The following TTLL2 variants were observed in gnomAD, a reference collection of about 807,000 sequenced individuals.
TTLL2 encodes the protein tubulin tyrosine ligase like 2, also known as probable tubulin polyglutamylase TTLL2.
Under a neutral mutation model 7.5 loss-of-function variants are expected in TTLL2, and 10 were observed. That is an observed-to-expected ratio of 1.33 (90% CI 0.82 to 2.25). The LOEUF (loss-of-function observed/expected upper bound fraction) is 2.25, where lower values mean the gene tolerates loss of function less well. Among genes scored for constraint, TTLL2 ranks in the 30% most tolerant of loss-of-function variants. TTLL2 has a pLI of 0.00. For missense variants in TTLL2, 733 were observed against 735.7 expected, an observed-to-expected ratio of 1.00 and a Z score of 0.04; for synonymous variants, 284 against 280.3, an observed-to-expected ratio of 1.01 and a Z score of -0.13.
intron 2 of TTLL2, 142 bp from the exon 3 acceptor site, chr6:167,339,963 C>G: frequency 1.3e-6 from 1 of 795,554 alleles, no homozygotes; most frequent in Non-Finnish European, 2.0e-6. Context: ...GGTGAAGAGA[C>G]GTGGGTGTCC....
chr6:167,335,448 T>G (rs1300681536), intron 1 of TTLL2, among the ~76,000 whole-genome samples: 1 of 147,546 alleles, frequency 6.8e-6, no homozygotes, highest in Non-Finnish European at 1.5e-5. Flanking sequence ...AAATACCATT[T>G]GACCCAGCCA....
intron 1 of TTLL2, chr6:167,327,881 T>C (rs980403347): frequency 2.5e-6 from 1 of 403,090 alleles, no homozygotes; most frequent in African/African-American, 2.1e-5. Context: ...CATTGCCTAT[T>C]CATTGGCGGA....
chr6:167,337,769 GCA>G (rs147693348), intron 1 of TTLL2, among the ~76,000 whole-genome samples: 5 of 148,886 alleles, frequency 3.4e-5, no homozygotes, highest in Non-Finnish European at 6.0e-5. Flanking sequence ...ACACACACAT[GCA>G]CACACACACA....
At chr6:167,339,301 G>C (rs1221431051) in intron 2 of TTLL2, among the ~76,000 whole-genome samples, 1 of 152,114 alleles carries the variant, frequency 6.6e-6, no homozygotes, top group Non-Finnish European at 1.5e-5. Flanking sequence ...AAGAGTCTTT[G>C]ACGTTTTTTA....
intron 1 of TTLL2, among the ~76,000 whole-genome samples, chr6:167,334,192 C>T (rs1233953302): frequency 2.7e-5 from 4 of 145,886 alleles, no homozygotes; most frequent in African/African-American, 7.9e-5. Flanking sequence ...GCCTTCATTT[C>T]GTTATGTACC....
chr6:167,337,487 C>G (rs1779002804), intron 1 of TTLL2, among the ~76,000 whole-genome samples: 1 of 152,188 alleles, frequency 6.6e-6, no homozygotes, highest in South Asian at 2.1e-4. Flanking sequence ...CCAGGGGAGG[C>G]AGGGCTCAGG....
At chr6:167,325,886 G>A (rs1445841567) in intron 1 of TTLL2, among the ~76,000 whole-genome samples, 2 of 152,172 alleles carry the variant, frequency 1.3e-5, no homozygotes, top group Non-Finnish European at 2.9e-5. Flanking sequence ...GAGGAGGGTG[G>A]GCTGAAGCAC....
At chr6:167,338,151 AC>A (rs1238835504) in intron 1 of TTLL2, among the ~76,000 whole-genome samples, 10 of 151,770 alleles carry the variant, frequency 6.6e-5, no homozygotes, top group African/African-American at 2.4e-4. Flanking sequence ...CACAATACAC[AC>A]ACAACATAAA....
chr6:167,341,519 G>T lies in TTLL2; in HGVS notation c.1619G>T (p.Cys540Phe). 1 of 1,614,156 alleles carries T rather than the reference G, an allele frequency of 6.2e-7. No homozygotes were observed. Among genetic ancestry groups the T allele is most frequent in the Non-Finnish European group, 8.5e-7 (1 of 1,180,040 alleles). Residue 540 changes from cysteine (C) to phenylalanine (F), a missense_variant, in exon 3 of 3, where the codon TGT becomes TTT. Physicochemically the swap from Cys to Phe is radical, Grantham distance 205. Coordinates refer to ENST00000239587, the MANE Select transcript of TTLL2 (RefSeq NM_031949.5). ...SHSCKTKTSP[C>F]VLSDRGKAPD... is the part of the protein sequence containing the mutation. The stretch of plus-strand genomic sequence containing the variant: ...TCCTGCAAGACCAAGACCTCCCCGT[G>T]TGTCCTGTCAGACCGTGGCAAAGCT...
intron 1 of TTLL2, among the ~76,000 whole-genome samples, chr6:167,326,952 G>A (rs564539886): frequency 6.6e-6 from 1 of 152,256 alleles, no homozygotes; most frequent in African/African-American, 2.4e-5. Flanking sequence ...AGAACCACAG[G>A]AAAAGGCTGT....
chr6:167,341,659 A>C lies in TTLL2; in HGVS notation c.1759A>C (p.Met587Leu). ...AATAATCCAAGAGCTCCAGAAACTAATGAATAAGCAACATTCCTAAGTGGT... is the reference window on the plus strand; with the variant it reads ...AATAATCCAAGAGCTCCAGAAACTACTGAATAAGCAACATTCCTAAGTGGT... Reference protein sequence around the residue: ...KRIIQELQKLMNKQHS With the variant: ...KRIIQELQKLLNKQHS The change falls in exon 3 of 3, where the codon ATG becomes CTG. Residue 587 changes from methionine (M) to leucine (L), a missense_variant. Met to Leu is a conservative substitution (Grantham distance 15). Coordinates refer to ENST00000239587, the MANE Select transcript of TTLL2 (RefSeq NM_031949.5). The C allele has an allele frequency of 6.2e-7, 1 of 1,607,178 alleles. No homozygotes were observed. Among genetic ancestry groups the C allele is most frequent in the Admixed American group, 1.7e-5 (1 of 58,232 alleles).
intron 1 of TTLL2, among the ~76,000 whole-genome samples, chr6:167,325,505 C>A (rs779897532): frequency 2.6e-5 from 4 of 152,182 alleles, no homozygotes; most frequent in Non-Finnish European, 5.9e-5. Flanking sequence ...CGAAGTAGAC[C>A]CATTCCTGAG....
chr6:167,331,404 T>C (rs55934350), intron 1 of TTLL2, among the ~76,000 whole-genome samples: 3,226 of 152,244 alleles, frequency 0.021, 131 homozygotes, highest in African/African-American at 0.074. Context: ...TCTCCCTATG[T>C]CCCCTCCTCC....
chr6:167,337,253 G>A (rs561768324), intron 1 of TTLL2, among the ~76,000 whole-genome samples: 11 of 152,156 alleles, frequency 7.2e-5, no homozygotes, highest in Middle Eastern at 6.8e-3. Flanking sequence ...CCAATGGGAA[G>A]GCAGATGCGT....
chr6:167,341,816 C>A lies in TTLL2; in HGVS notation c.*137C>A. The A allele has an allele frequency of 1.1e-6, 1 of 935,838 alleles. No homozygotes were observed. Among genetic ancestry groups the A allele is most frequent in the Non-Finnish European group, 1.5e-6 (1 of 646,300 alleles). 58.0% of individuals were successfully genotyped at this position (935,838 alleles called of 1,614,324 possible). A position where few individuals can be genotyped will look rare whatever the true frequency, so the allele number is the denominator to read the frequency against. ...ATGACATTGGGACTGAAGATGTGGCCATATGTATAAATATAACAGCTCTGA... is the reference window on the plus strand; with the variant it reads ...ATGACATTGGGACTGAAGATGTGGCAATATGTATAAATATAACAGCTCTGA... On this transcript the variant is annotated 3_prime_UTR_variant, in exon 3 of 3. Coordinates refer to ENST00000239587, the MANE Select transcript of TTLL2 (RefSeq NM_031949.5).
rs997126865 is a variant in TTLL2 at position 167,342,429 on chromosome 6, A to C, written c.*750A>C. Reference sequence around the variant, plus strand: ...ACATTATTCTAGTGAAAGTAGTCAGATACAAAAGGCCACATGTTGTATGAC... The same window carrying C: ...ACATTATTCTAGTGAAAGTAGTCAGCTACAAAAGGCCACATGTTGTATGAC... On this transcript the variant is annotated 3_prime_UTR_variant, in exon 3 of 3. Coordinates refer to ENST00000239587, the MANE Select transcript of TTLL2 (RefSeq NM_031949.5). Among the ~76,000 whole-genome samples, 2 of 152,236 alleles carry C rather than the reference A, an allele frequency of 1.3e-5. No homozygotes were observed. Among genetic ancestry groups the C allele is most frequent in the Non-Finnish European group, 2.9e-5 (2 of 68,040 alleles).
intron 2 of TTLL2, 42 bp downstream of exon 2, chr6:167,338,845 T>TTCCTTCCG (rs1779030592): frequency 7.0e-7 from 1 of 1,436,546 alleles, no homozygotes; most frequent in African/African-American, 1.4e-5. Context: ...CCTTCCTTCC[T>TTCCTTCCG]TCCTTCCTTC....
rs1378701998 is a variant in TTLL2 at position 167,341,125 on chromosome 6, CATG to C, written c.1228_1230del (p.Asp410del). ...TGTGTTGGTGAAGAGAAAACTTGTC[CATG>C]ATATTATTGACCTGATTTACTTAAA... On this transcript the variant is annotated inframe_deletion, in exon 3 of 3. Coordinates refer to ENST00000239587, the MANE Select transcript of TTLL2 (RefSeq NM_031949.5). 3.4e-5 allele frequency: 55 copies of C among 1,613,708 alleles called. No homozygotes were observed. Among genetic ancestry groups the C allele is most frequent in the Non-Finnish European group, 4.6e-5 (54 of 1,180,008 alleles).
chr6:167,338,392 C>A (rs867984416), intron 1 of TTLL2, among the ~76,000 whole-genome samples: 5 of 151,914 alleles, frequency 3.3e-5, no homozygotes, highest in Admixed American at 1.3e-4. Context: ...ATGTGACACA[C>A]AATACACACA....
Sources: allele counts gnomAD v4.1 joint callset (sites outside exome capture counted in the v4.1 genomes callset), GRCh38; gene constraint gnomAD v4.1.1; transcripts MANE v1.5; gene names NCBI Gene and HGNC (gene_info 2026-07-23, HGNC 2026-07-21).